ALDH5A1: variants seen among roughly 807,000 people sequenced by gnomAD.
ALDH5A1 encodes the protein succinate-semialdehyde dehydrogenase, mitochondrial.
ALDH5A1 carries 33 observed loss-of-function variants against 54.7 expected under a neutral mutation model. That is an observed-to-expected ratio of 0.60 (90% CI 0.46 to 0.81). ALDH5A1 has a LOEUF of 0.81. Among genes scored for constraint, ALDH5A1 ranks in the 30% least tolerant of loss-of-function variants. ALDH5A1 has a pLI of 0.00. For missense variants in ALDH5A1, 657 were observed against 711.0 expected (o/e 0.92, Z 0.86); for synonymous variants, 294 against 292.7 (o/e 1.00, Z -0.05).
Position 24,536,400 on chromosome 6 carries a change from C to T in ALDH5A1, c.*2688C>T, listed in dbSNP as rs184035275. ...AATGTTATTAGAGCATAGCCACACC[C>T]ATTCATTTATGGTATTGTCTGGGAC... On this transcript the variant is annotated 3_prime_UTR_variant, in exon 10 of 10. Coordinates refer to ENST00000357578, the MANE Select transcript of ALDH5A1 (RefSeq NM_001080.3). 148 of 152,320 alleles carry T rather than the reference C, an allele frequency of 9.7e-4. No homozygotes were observed. The highest frequency in any genetic ancestry group is 3.4e-3 in the African/African-American group (142 of 41,574). 9.4% of individuals were successfully genotyped at this position (152,320 alleles called of 1,614,324 possible).
chr6:24,515,503 TC>T (rs1439974840), intron 5 of ALDH5A1, among the ~76,000 whole-genome samples, 193 bp downstream of exon 5: 1 of 152,106 alleles, frequency 6.6e-6, no homozygotes, highest in African/African-American at 2.4e-5. Flanking sequence ...GGTGGGCAGA[TC>T]ACTTGAGGCC....
intron 3 of ALDH5A1, 56 bp from the exon 4 acceptor site, chr6:24,504,813 T>G (rs752677707): frequency 3.1e-5 from 47 of 1,513,268 alleles, no homozygotes; most frequent in Non-Finnish European, 4.2e-5. Flanking sequence ...TGCCTTCCTT[T>G]GCACTAAGGA....
At chr6:24,532,262 G>A in intron 9 of ALDH5A1, 85 bp downstream of exon 9, 1 of 1,393,118 alleles carries the variant, frequency 7.2e-7, no homozygotes, top group Non-Finnish European at 1.0e-6. Context: ...ATCACCCTGG[G>A]TTTTGAGACA....
chr6:24,505,131 C>A, intron 4 of ALDH5A1, 146 bp downstream of exon 4: 1 of 850,536 alleles, frequency 1.2e-6, no homozygotes, highest in Non-Finnish European at 1.9e-6. Flanking sequence ...CTGGTGATTA[C>A]TTTAAGTCAG....
chr6:24,526,536 A>G (rs1759799646), intron 7 of ALDH5A1, among the ~76,000 whole-genome samples: 1 of 152,056 alleles, frequency 6.6e-6, no homozygotes, highest in Admixed American at 6.6e-5. Context: ...TGACTGTCAC[A>G]AGATTCGGTA....
chr6:24,508,380 AAAAAAAAAGAT>A (rs1357292612), intron 4 of ALDH5A1, among the ~76,000 whole-genome samples: 4 of 51,680 alleles, frequency 7.7e-5, no homozygotes, highest in Non-Finnish European at 1.7e-4. Context: ...AAAAAAAAAA[AAAAAAAAAGAT>A]TAATAGTCTC....
chr6:24,520,494 G>A lies in ALDH5A1; in HGVS notation c.964G>A (p.Asp322Asn), dbSNP rs1759659579. The A allele has an allele frequency of 6.2e-7, 1 of 1,614,062 alleles. No homozygotes were observed. Residue 322 changes from aspartate (D) to asparagine (N), a missense_variant, in exon 6 of 10, where the codon GAC (aspartate) becomes AAC (asparagine). Physicochemically the swap from Asp to Asn is conservative, Grantham distance 23 (BLOSUM62 1). Around this residue, in one of 2 missense-constraint regions of ALDH5A1, gnomAD observed 425 missense variants for 516.4 expected, o/e 0.82. Coordinates refer to ENST00000357578, the MANE Select transcript of ALDH5A1 (RefSeq NM_001080.3). ...TATAGTATTTGACAGTGCCAACGTG[G>A]ACCAGGCTGTAGCAGGGGCCATGGC... The part of the protein sequence containing the change: ...PFIVFDSANV[D>N]QAVAGAMASK...
At chr6:24,503,717 T>A (rs1759257152) in intron 3 of ALDH5A1, among the ~76,000 whole-genome samples, 3 of 152,196 alleles carry the variant, frequency 2.0e-5, no homozygotes, top group Admixed American at 2.0e-4. Context: ...GGCTTCTTCC[T>A]GGCATTGCCT....
intron 5 of ALDH5A1, among the ~76,000 whole-genome samples, chr6:24,516,508 A>G (rs1214046885): frequency 2.6e-5 from 4 of 151,770 alleles, no homozygotes. Context: ...AAAGAGAAAA[A>G]ATCAAGGTGG....
intron 1 of ALDH5A1, among the ~76,000 whole-genome samples, chr6:24,496,830 A>C (rs187400446): frequency 6.6e-6 from 1 of 152,256 alleles, no homozygotes; most frequent in Admixed American, 6.5e-5. Flanking sequence ...TCATAACTTA[A>C]TTCCCTTTTT....
At chr6:24,511,485 T>A (rs1005394528) in intron 4 of ALDH5A1, among the ~76,000 whole-genome samples, 2 of 152,200 alleles carry the variant, frequency 1.3e-5, no homozygotes, top group African/African-American at 4.8e-5. Flanking sequence ...TTTAACATAA[T>A]CCCAGACTTC....
intron 7 of ALDH5A1, among the ~76,000 whole-genome samples, chr6:24,523,385 A>G (rs1759741454): frequency 6.6e-6 from 1 of 152,160 alleles, no homozygotes; most frequent in Non-Finnish European, 1.5e-5. Context: ...CAAAAAAGTC[A>G]TTTTGGTAAA....
At chr6:24,525,914 A>G (rs188448990) in intron 7 of ALDH5A1, among the ~76,000 whole-genome samples, 109 of 152,292 alleles carry the variant, frequency 7.2e-4, no homozygotes, top group African/African-American at 2.5e-3. Context: ...CCACCAAGAC[A>G]CATGAGACAG....
chr6:24,499,655 GA>G lies in ALDH5A1; in HGVS notation c.355-2867del, dbSNP rs1282856550. Among the ~76,000 whole-genome samples the G allele has an allele frequency of 7.5e-5, 11 of 147,196 alleles. No homozygotes were observed. The East Asian group carries it at 7.9e-4, about 11-fold the overall frequency. Reference sequence around the variant, plus strand: ...CCACAAGCATGCACCACCACACCCAGATAATTTCTTTTCTTTTTTTTTTTTT... The same window carrying G: ...CCACAAGCATGCACCACCACACCCAGTAATTTCTTTTCTTTTTTTTTTTTT... On this transcript the variant is annotated intron_variant, in intron 1 of 9. Coordinates refer to ENST00000357578, the MANE Select transcript of ALDH5A1 (RefSeq NM_001080.3).
At chr6:24,522,652 C>A in intron 6 of ALDH5A1, 115 bp from the exon 7 acceptor site, 1 of 1,291,700 alleles carries the variant, frequency 7.7e-7, no homozygotes, top group Non-Finnish European at 1.1e-6. Flanking sequence ...AGTTTGAGCA[C>A]ATGACAACCA....
chr6:24,521,466 A>G (rs866888330), intron 6 of ALDH5A1, among the ~76,000 whole-genome samples: 33 of 152,258 alleles, frequency 2.2e-4, no homozygotes, highest in African/African-American at 7.0e-4. Flanking sequence ...ATTCTTAAGC[A>G]TTCATCTTAA....
intron 6 of ALDH5A1, 85 bp from the exon 7 acceptor site, chr6:24,522,682 A>G (rs1759717293): frequency 6.6e-7 from 1 of 1,515,422 alleles, no homozygotes; most frequent in African/African-American, 1.4e-5. Flanking sequence ...GTGTTTTCAC[A>G]GAGAGGCGGT....
chr6:24,514,055 A>G (rs894872221), intron 4 of ALDH5A1, among the ~76,000 whole-genome samples: 4 of 152,258 alleles, frequency 2.6e-5, no homozygotes, highest in Non-Finnish European at 5.9e-5. Context: ...TTTATGTAAT[A>G]AGCTAATTGT....
At chr6:24,501,596 T>C (rs1429792275) in intron 1 of ALDH5A1, among the ~76,000 whole-genome samples, 4 of 133,154 alleles carry the variant, frequency 3.0e-5, no homozygotes, top group Admixed American at 7.0e-5. Context: ...TGGTCCCAGC[T>C]ACTCAGTAGT....
Sources: allele counts gnomAD v4.1 joint callset (sites outside exome capture counted in the v4.1 genomes callset), GRCh38; gene constraint gnomAD v4.1.1; regional missense constraint gnomAD v4.1.1; transcripts MANE v1.5; gene names NCBI Gene and HGNC (gene_info 2026-07-23, HGNC 2026-07-21).